SGIP1: variants seen among roughly 807,000 people sequenced by gnomAD.
SGIP1 encodes SH3GL interacting endocytic adaptor 1.
In SGIP1, 38 loss-of-function variants were observed where a neutral mutation model predicts 107.5. The observed-to-expected ratio is 0.35, with a 90% CI of 0.27 to 0.46. The LOEUF (loss-of-function observed/expected upper bound fraction) is 0.46. Among genes scored for constraint, SGIP1 ranks in the 20% least tolerant of loss-of-function variants. SGIP1 has a pLI of 1.00. For missense variants in SGIP1, 929 were observed against 1,019.5 expected (o/e 0.91, Z 1.21); for synonymous variants, 365 against 366.1 (o/e 1.00, Z 0.03).
chr1:66,741,863 G>T (rs911561214), intron 24 of SGIP1, among the ~76,000 whole-genome samples: 2 of 151,938 alleles, frequency 1.3e-5, no homozygotes, highest in Admixed American at 6.6e-5. Flanking sequence ...TGCCTCCCGG[G>T]TTCACGCCAT....
intron 2 of SGIP1, among the ~76,000 whole-genome samples, chr1:66,630,858 A>G (rs886225909): frequency 2.6e-5 from 1 of 38,508 alleles, no homozygotes; most frequent in Non-Finnish European, 4.6e-5. Flanking sequence ...AAAGAAAGAA[A>G]GAAAGAAAGA....
At chr1:66,623,610 A>G (rs1337301172) in intron 1 of SGIP1, among the ~76,000 whole-genome samples, 1 of 152,058 alleles carries the variant, frequency 6.6e-6, no homozygotes, top group Non-Finnish European at 1.5e-5. Context: ...AATTTCACAT[A>G]TTGTGGTGTA....
chr1:66,629,013 T>C (rs545200964), intron 2 of SGIP1, among the ~76,000 whole-genome samples: 13 of 152,368 alleles, frequency 8.5e-5, no homozygotes, highest in African/African-American at 3.1e-4. Context: ...AATTGGATCA[T>C]ATATCATTCT....
At position 66,552,394 on chromosome 1, in the gene SGIP1, G is replaced by A. The variant is rs552237471; in HGVS notation, c.10+18026G>A. Among the ~76,000 whole-genome samples, 12 of 152,178 alleles carry A rather than the reference G, an allele frequency of 7.9e-5. No individual in the cohort carries two copies. In the South Asian group the frequency reaches 2.3e-3, roughly 29 times the overall value. ...CTCACCTTTCTTTTCTGCACTGTGTGCTCATTTGCGCCATCACACTGCTCC... is the reference window on the plus strand; with the variant it reads ...CTCACCTTTCTTTTCTGCACTGTGTACTCATTTGCGCCATCACACTGCTCC... On this transcript the variant is annotated intron_variant, in intron 1 of 24. Coordinates refer to ENST00000371037, the MANE Select transcript of SGIP1 (RefSeq NM_032291.4).
chr1:66,605,203 A>T, intron 1 of SGIP1, among the ~76,000 whole-genome samples: 1 of 152,146 alleles, frequency 6.6e-6, no homozygotes. Flanking sequence ...AGTGTTATTT[A>T]CAAATAGCAA....
rs535524400 is a variant in SGIP1, at chr1:66,639,615, T to A, written c.172-162T>A. On this transcript the variant is annotated intron_variant, in intron 4 of 24. Transcript: ENST00000371037. ...GTGTCACAGCAGCTAGATTTACCAT[T>A]CCATTACACAAATGTGGCTCCTTAA... Among the ~76,000 whole-genome samples the A allele has an allele frequency of 3.6e-3, 551 of 152,336 alleles. 3 individuals are homozygous for A. The highest frequency in any genetic ancestry group is 0.012 in the African/African-American group (514 of 41,576).
At chr1:66,573,371 A>G (rs1317173284) in intron 1 of SGIP1, among the ~76,000 whole-genome samples, 1 of 152,078 alleles carries the variant, frequency 6.6e-6, no homozygotes, top group Non-Finnish European at 1.5e-5. Flanking sequence ...AGACTTAAAA[A>G]CAGAAATACC....
chr1:66,717,276 G>A (rs1266343472), intron 18 of SGIP1, among the ~76,000 whole-genome samples: 1 of 152,176 alleles, frequency 6.6e-6, no homozygotes, highest in African/African-American at 2.4e-5. Context: ...TTCTTCTCCA[G>A]AAGCTGGTAG....
chr1:66,543,779 G>A (rs1327691373), intron 1 of SGIP1, among the ~76,000 whole-genome samples: 1 of 152,168 alleles, frequency 6.6e-6, no homozygotes, highest in African/African-American at 2.4e-5. Context: ...GTTGGCCTCA[G>A]CTTCCCCATT....
In SGIP1 at chr1:66,744,969, A is replaced by G. The variant is rs1239121641; in HGVS notation, c.*1874A>G. 1 of 152,522 alleles carries G rather than the reference A, an allele frequency of 6.6e-6. No homozygotes were observed. The highest frequency in any genetic ancestry group is 1.5e-5 in the Non-Finnish European group (1 of 67,906). The allele number at this position is 152,522 out of a possible 1,614,324, so 9.4% of individuals were successfully genotyped here. A position where few individuals can be genotyped will look rare whatever the true frequency, so the allele number is the denominator to read the frequency against. On this transcript the variant is annotated 3_prime_UTR_variant, in exon 25 of 25. Coordinates refer to ENST00000371037, the MANE Select transcript of SGIP1 (RefSeq NM_032291.4). ...ATGACACCAAAATCAATGGAGAGTA[A>G]GCAGCAGCAAACTGAGAATTATCCA...
rs1182007244 is a variant in SGIP1 at position 66,750,686 on chromosome 1, T to C, written c.*7591T>C. Among the ~76,000 whole-genome samples the C allele has an allele frequency of 2.0e-5, 3 of 152,248 alleles. No homozygotes were observed. Among genetic ancestry groups the C allele is most frequent in the African/African-American group, 7.2e-5 (3 of 41,472 alleles). ...TCTATTTCAAAAGAGTATACTTTTT[T>C]CTGACAGCCATTACTGCTTAGTCTG... On this transcript the variant is annotated 3_prime_UTR_variant, in exon 25 of 25. Coordinates refer to ENST00000371037, the MANE Select transcript of SGIP1 (RefSeq NM_032291.4).
At chr1:66,671,889 C>T (rs2083904571) in intron 10 of SGIP1, 55 bp from the exon 11 acceptor site, 1 of 1,493,612 alleles carries the variant, frequency 6.7e-7, no homozygotes, top group Non-Finnish European at 9.3e-7. Flanking sequence ...GGTTATAAGA[C>T]ATATCAGGGA....
chr1:66,596,296 A>G (rs1404557980), intron 1 of SGIP1, among the ~76,000 whole-genome samples: 4 of 152,146 alleles, frequency 2.6e-5, no homozygotes, highest in Admixed American at 2.6e-4. Context: ...TGAGTGATGG[A>G]ACAGCTCTCA....
chr1:66,629,588 CAG>C (rs1458067700), intron 2 of SGIP1, among the ~76,000 whole-genome samples: 1 of 151,594 alleles, frequency 6.6e-6, no homozygotes, highest in Non-Finnish European at 1.5e-5. Flanking sequence ...AAAAAAAAGA[CAG>C]TAGTTACAAA....
At chr1:66,632,530 C>G (rs1435994578) in intron 2 of SGIP1, among the ~76,000 whole-genome samples, 1 of 152,170 alleles carries the variant, frequency 6.6e-6, no homozygotes, top group Non-Finnish European at 1.5e-5. Context: ...ATCCCAGCTT[C>G]TCGGGAGGCT....
At chr1:66,741,800 C>T (rs930476299) in intron 24 of SGIP1, among the ~76,000 whole-genome samples, 3 of 151,148 alleles carry the variant, frequency 2.0e-5, no homozygotes, top group African/African-American at 7.3e-5. Context: ...CGGAGTCTCT[C>T]TCTATTGCCC....
At chr1:66,631,677 CTCTT>C (rs1221750655) in intron 2 of SGIP1, among the ~76,000 whole-genome samples, 16 of 125,512 alleles carry the variant, frequency 1.3e-4, no homozygotes, top group African/African-American at 2.5e-4. Context: ...TTCTCTCTCT[CTCTT>C]TCTCTCTCTC....
chr1:66,719,263 A>G (rs773837015), intron 18 of SGIP1, 31 bp from the exon 19 acceptor site: 1 of 1,487,912 alleles, frequency 6.7e-7, no homozygotes, highest in African/African-American at 1.4e-5. Flanking sequence ...TCCTATTTTC[A>G]TAATAAATGA....
At chr1:66,628,449 G>T (rs1009245314) in intron 2 of SGIP1, 1 of 154,676 alleles carries the variant, frequency 6.5e-6, no homozygotes, top group Non-Finnish European at 1.5e-5. Context: ...TCCCTAAAGG[G>T]CCAGACACTA....
Sources: allele counts gnomAD v4.1 joint callset (sites outside exome capture counted in the v4.1 genomes callset), GRCh38; gene constraint gnomAD v4.1.1; transcripts MANE v1.5; gene names NCBI Gene and HGNC (gene_info 2026-07-23, HGNC 2026-07-21).